The following TMEM132C variants were observed in gnomAD, a reference collection of about 807,000 sequenced individuals.
TMEM132C encodes the protein protein phosphatase 1, regulatory subunit 152.
In TMEM132C, 29 loss-of-function variants were observed where a neutral mutation model predicts 61.4. That is an observed-to-expected ratio of 0.47 (90% CI 0.35 to 0.64). The LOEUF (loss-of-function observed/expected upper bound fraction) is 0.64, where lower values mean the gene tolerates loss of function less well. Ranked by LOEUF, TMEM132C falls within the 30% of genes least tolerant of loss-of-function variation. TMEM132C has a pLI of 0.00. For synonymous variants in TMEM132C, 656 were observed against 633.1 expected (o/e 1.04, Z -0.54); for missense variants, 1,408 against 1,476.9 (o/e 0.95, Z 0.76).
At chr12:128,421,200 C>T (rs1868976252) in intron 2 of TMEM132C, among the ~76,000 whole-genome samples, 1 of 152,178 alleles carries the variant, frequency 6.6e-6, no homozygotes, top group Non-Finnish European at 1.5e-5. Context: ...ACTCTGTATG[C>T]CTCTGTGTAT....
chr12:128,329,202 A>G (rs1277700044), intron 1 of TMEM132C, among the ~76,000 whole-genome samples: 2 of 152,166 alleles, frequency 1.3e-5, no homozygotes, highest in East Asian at 1.9e-4. Flanking sequence ...ATTCTTAAAG[A>G]CCGCAATACG....
intron 1 of TMEM132C, among the ~76,000 whole-genome samples, chr12:128,344,367 C>T (rs187916371): frequency 6.6e-6 from 1 of 152,186 alleles, no homozygotes; most frequent in Non-Finnish European, 1.5e-5. Flanking sequence ...ACCGTGTTAG[C>T]CAGGATAGTC....
At chr12:128,675,846 T>TAGATAGAC (rs1954579100) in intron 5 of TMEM132C, among the ~76,000 whole-genome samples, 1 of 116,464 alleles carries the variant, frequency 8.6e-6, no homozygotes, top group Non-Finnish European at 1.8e-5. Context: ...AGAAGATAGA[T>TAGATAGAC]AGATAGATAG....
At chr12:128,401,157 A>C (rs913223295) in intron 1 of TMEM132C, among the ~76,000 whole-genome samples, 2 of 152,164 alleles carry the variant, frequency 1.3e-5, no homozygotes, top group African/African-American at 2.4e-5. Flanking sequence ...TTACATTTTT[A>C]AAGATTATGT....
At chr12:128,354,471 T>A (rs941689667) in intron 1 of TMEM132C, among the ~76,000 whole-genome samples, 3 of 151,714 alleles carry the variant, frequency 2.0e-5, no homozygotes, top group Non-Finnish European at 1.5e-5. Context: ...CTTTCTTCCT[T>A]CCTTCCTTTT....
At chr12:128,545,476 C>G (rs781562439) in intron 3 of TMEM132C, among the ~76,000 whole-genome samples, 3 of 152,188 alleles carry the variant, frequency 2.0e-5, no homozygotes, top group Non-Finnish European at 4.4e-5. Flanking sequence ...TGGGTATATA[C>G]CCAGTAATGG....
chr12:128,588,057 C>T (rs1036535098), intron 3 of TMEM132C, among the ~76,000 whole-genome samples: 2 of 152,194 alleles, frequency 1.3e-5, no homozygotes, highest in Non-Finnish European at 2.9e-5. Context: ...AGGACAGAGG[C>T]ACTTTGGTGT....
chr12:128,554,351 C>T (rs1874266706), intron 3 of TMEM132C, among the ~76,000 whole-genome samples: 1 of 152,300 alleles, frequency 6.6e-6, no homozygotes, highest in South Asian at 2.1e-4. Flanking sequence ...TCAGAGGACA[C>T]ATCCATTCTT....
At chr12:128,500,793 G>A (rs944265991) in intron 2 of TMEM132C, among the ~76,000 whole-genome samples, 1 of 152,072 alleles carries the variant, frequency 6.6e-6, no homozygotes, top group African/African-American at 2.4e-5. Context: ...GTTAAACATA[G>A]AATTATCACA....
At chr12:128,366,743 T>A (rs1203479519) in intron 1 of TMEM132C, among the ~76,000 whole-genome samples, 2 of 152,214 alleles carry the variant, frequency 1.3e-5, no homozygotes, top group Non-Finnish European at 2.9e-5. Flanking sequence ...CTGGAAGTGT[T>A]GTAAGACCCC....
intron 5 of TMEM132C, among the ~76,000 whole-genome samples, chr12:128,681,233 G>A (rs934620092): frequency 3.9e-5 from 6 of 152,100 alleles, no homozygotes; most frequent in African/African-American, 1.4e-4. Context: ...GCACACCTTG[G>A]CCTCCCAAAG....
intron 4 of TMEM132C, among the ~76,000 whole-genome samples, chr12:128,668,518 G>A (rs534255058): frequency 7.3e-4 from 111 of 152,260 alleles, no homozygotes; most frequent in African/African-American, 2.6e-3. Context: ...TAGTATCCTT[G>A]AAGGTGATCT....
At chr12:128,612,450 G>T (rs1876667064) in intron 3 of TMEM132C, among the ~76,000 whole-genome samples, 1 of 152,200 alleles carries the variant, frequency 6.6e-6, no homozygotes, top group African/African-American at 2.4e-5. Flanking sequence ...GCTCACAAGT[G>T]ATGGGCATCT....
At chr12:128,653,923 GC>G (rs1273834603) in intron 4 of TMEM132C, among the ~76,000 whole-genome samples, 1 of 152,204 alleles carries the variant, frequency 6.6e-6, no homozygotes, top group Non-Finnish European at 1.5e-5. Flanking sequence ...GGGAATCCAA[GC>G]CCTCTGTGCC....
intron 1 of TMEM132C, among the ~76,000 whole-genome samples, chr12:128,275,510 T>C (rs1230846608): frequency 1.3e-5 from 2 of 152,136 alleles, no homozygotes; most frequent in Non-Finnish European, 2.9e-5. Flanking sequence ...ATCTACATTA[T>C]GGTGAGTTAT....
At chr12:128,571,523 G>A (rs930463644) in intron 3 of TMEM132C, among the ~76,000 whole-genome samples, 21 of 152,070 alleles carry the variant, frequency 1.4e-4, no homozygotes, top group African/African-American at 4.6e-4. Context: ...TATCTTCAAC[G>A]GAAGCTCCGT....
Position 128,662,592 on chromosome 12 carries a change from T to C in TMEM132C, c.1306-6825T>C, listed in dbSNP as rs112513238. ...GTGGCTGAATCATGTATGGGCTATG[T>C]CCCCAGACAAGTCAGTCACTCAGCT... On this transcript the variant is annotated intron_variant, in intron 4 of 8. Coordinates refer to ENST00000435159, the MANE Select transcript of TMEM132C (RefSeq NM_001136103.3). Among the ~76,000 whole-genome samples, 639 of 152,246 alleles carry C rather than the reference T, an allele frequency of 4.2e-3. 5 individuals carry two copies. Among genetic ancestry groups the C allele is most frequent in the African/African-American group, 0.015 (603 of 41,530 alleles).
chr12:128,503,317 A>C, intron 2 of TMEM132C, among the ~76,000 whole-genome samples: 1 of 152,186 alleles, frequency 6.6e-6, no homozygotes, highest in African/African-American at 2.4e-5. Flanking sequence ...TTGGATTCAA[A>C]ACAATGAGGA....
chr12:128,320,925 A>T (rs1872309547), intron 1 of TMEM132C, among the ~76,000 whole-genome samples: 1 of 151,896 alleles, frequency 6.6e-6, no homozygotes, highest in South Asian at 2.1e-4. Context: ...CGGATTGTTG[A>T]TGTGAGGCCC....
Sources: allele counts gnomAD v4.1 joint callset (sites outside exome capture counted in the v4.1 genomes callset), GRCh38; gene constraint gnomAD v4.1.1; transcripts MANE v1.5; gene names NCBI Gene and HGNC (gene_info 2026-07-23, HGNC 2026-07-21).